The following MAPK10 variants were observed in gnomAD, a reference collection of about 807,000 sequenced individuals.
The protein encoded by MAPK10 is JNK3 alpha protein kinase.
MAPK10 carries 25 observed loss-of-function variants against 59.3 expected under a neutral mutation model. The observed-to-expected ratio is 0.42, with a 90% CI of 0.31 to 0.59. The LOEUF is 0.59. Ranked by LOEUF, MAPK10 falls within the 20% of genes least tolerant of loss-of-function variation. The probability of loss-of-function intolerance (pLI) is 0.15; values close to 1 mark genes in which losing one functional copy is unlikely to be tolerated. For synonymous variants in MAPK10, 190 were observed against 200.5 expected (o/e 0.95, Z 0.44); for missense variants, 351 against 568.9 (o/e 0.62, Z 3.90).
chr4:86,565,232 A>G (rs1760978327), intron 1 of MAPK10, among the ~76,000 whole-genome samples: 1 of 152,228 alleles, frequency 6.6e-6, no homozygotes, highest in Non-Finnish European at 1.5e-5. Context: ...TATTGCTGAA[A>G]TACTGAGTAT....
At chr4:86,416,910 T>G (rs1745930743) in intron 1 of MAPK10, among the ~76,000 whole-genome samples, 1 of 152,168 alleles carries the variant, frequency 6.6e-6, no homozygotes. Context: ...AGCCTCTCTC[T>G]TAAGAACCTG....
intron 2 of MAPK10, among the ~76,000 whole-genome samples, chr4:86,263,551 A>G (rs1344611324): frequency 6.6e-6 from 1 of 151,278 alleles, no homozygotes; most frequent in Non-Finnish European, 1.5e-5. Flanking sequence ...TCCCTCCCTT[A>G]TAGCCACTGC....
intron 1 of MAPK10, among the ~76,000 whole-genome samples, chr4:86,390,426 C>CTATA (rs961072934): frequency 3.3e-5 from 5 of 152,160 alleles, no homozygotes; most frequent in Non-Finnish European, 5.9e-5. Context: ...TTGATGAGAA[C>CTATA]TATAGTTCCA....
intron 1 of MAPK10, among the ~76,000 whole-genome samples, chr4:86,400,921 T>C (rs2149017234): frequency 6.6e-6 from 1 of 152,274 alleles, no homozygotes; most frequent in South Asian, 2.1e-4. Context: ...AAGAAGATTT[T>C]TATTGTGTGC....
At chr4:86,146,673 A>G (rs537151911) in intron 4 of MAPK10, among the ~76,000 whole-genome samples, 1 of 152,352 alleles carries the variant, frequency 6.6e-6, no homozygotes. Flanking sequence ...AGCTTTCATC[A>G]GTCTCTCTCC....
chr4:86,539,465 C>A (rs572895160), intron 1 of MAPK10, among the ~76,000 whole-genome samples: 1 of 152,198 alleles, frequency 6.6e-6, no homozygotes, highest in Admixed American at 6.5e-5. Context: ...CATGAAAGCC[C>A]TGGTGCTTTT....
chr4:86,134,278 T>G (rs1050691134), intron 4 of MAPK10, among the ~76,000 whole-genome samples: 43 of 152,334 alleles, frequency 2.8e-4, no homozygotes, highest in African/African-American at 1.0e-3. Flanking sequence ...TCTAATTTCA[T>G]TAACCATTCC....
intron 2 of MAPK10, chr4:86,336,365 C>G (rs975028188): frequency 6.6e-6 from 1 of 152,192 alleles, no homozygotes; most frequent in African/African-American, 2.4e-5. Context: ...TTAACTTAAG[C>G]CTGACAACCC....
chr4:86,428,225 C>CCTCA (rs953694131), intron 1 of MAPK10, among the ~76,000 whole-genome samples: 4 of 151,866 alleles, frequency 2.6e-5, no homozygotes, highest in Non-Finnish European at 4.4e-5. Context: ...CTCACTGCAG[C>CCTCA]CTCAACCTCT....
intron 1 of MAPK10, among the ~76,000 whole-genome samples, chr4:86,519,727 T>C (rs1370790310): frequency 6.6e-6 from 1 of 152,188 alleles, no homozygotes; most frequent in Non-Finnish European, 1.5e-5. Context: ...ATTTATGCTT[T>C]AAAGAAGTTC....
intron 2 of MAPK10, among the ~76,000 whole-genome samples, chr4:86,203,592 A>C (rs1196412928): frequency 2.0e-5 from 3 of 151,460 alleles, no homozygotes; most frequent in Non-Finnish European, 4.4e-5. Flanking sequence ...GTCATTACTT[A>C]TAAGTAATTT....
chr4:86,186,029 G>C (rs995957693), intron 3 of MAPK10, among the ~76,000 whole-genome samples: 1 of 151,884 alleles, frequency 6.6e-6, no homozygotes, highest in African/African-American at 2.4e-5. Context: ...TAAAGCACTG[G>C]GACTCAGTGG....
intron 2 of MAPK10, among the ~76,000 whole-genome samples, chr4:86,345,433 T>C (rs1219163760): frequency 4.6e-5 from 7 of 152,248 alleles, no homozygotes; most frequent in Non-Finnish European, 1.0e-4. Context: ...GTTGAAGAAC[T>C]GGTGTGCACA....
chr4:86,440,136 T>C (rs974343166), intron 1 of MAPK10, among the ~76,000 whole-genome samples: 1 of 152,176 alleles, frequency 6.6e-6, no homozygotes, highest in South Asian at 2.1e-4. Flanking sequence ...ATATAGACTA[T>C]ATGTGTCTCT....
At chr4:86,452,291 A>C (rs767383975) in intron 1 of MAPK10, among the ~76,000 whole-genome samples, 3 of 152,224 alleles carry the variant, frequency 2.0e-5, no homozygotes, top group Non-Finnish European at 4.4e-5. Context: ...GGTAGGAGAG[A>C]GTGTGTAATT....
chr4:86,419,257 G>A (rs985478222), intron 1 of MAPK10, among the ~76,000 whole-genome samples: 2 of 151,960 alleles, frequency 1.3e-5, no homozygotes, highest in African/African-American at 2.4e-5. Flanking sequence ...ATATCTCTAC[G>A]TGTTTTTATC....
At chr4:86,070,497 C>T (rs1248619360) in intron 9 of MAPK10, among the ~76,000 whole-genome samples, 3 of 150,498 alleles carry the variant, frequency 2.0e-5, no homozygotes, top group Admixed American at 6.6e-5. Flanking sequence ...CCCACTAACT[C>T]GTCATCTAGC....
At chr4:86,268,497 T>C (rs1350176734) in intron 2 of MAPK10, 2 of 152,352 alleles carry the variant, frequency 1.3e-5, no homozygotes, top group African/African-American at 2.4e-5. Flanking sequence ...CTAAAGCCTT[T>C]ATCACAGGCT....
At chr4:86,500,052 T>A (rs1375848439) in intron 1 of MAPK10, among the ~76,000 whole-genome samples, 1 of 152,164 alleles carries the variant, frequency 6.6e-6, no homozygotes, top group African/African-American at 2.4e-5. Flanking sequence ...AAATATAAAA[T>A]TCCATCTTGC....
Sources: gnomAD v4.1 joint callset for allele counts (sites outside exome capture counted in the v4.1 genomes callset) on GRCh38, gnomAD v4.1.1 for gene constraint, MANE v1.5 for transcripts, NCBI Gene and HGNC (gene_info 2026-07-23, HGNC 2026-07-21) for gene names.